The following ABLIM1 variants were observed in gnomAD, a reference collection of about 807,000 sequenced individuals.
ABLIM1 encodes actin-binding LIM protein 1.
A neutral mutation model predicts 107.0 loss-of-function variants in ABLIM1; 40 were observed. The ratio of observed to expected loss-of-function variants is 0.37; its 90% CI spans 0.29 to 0.49. ABLIM1 has a LOEUF of 0.49. Ranked by LOEUF, ABLIM1 falls within the 20% of genes least tolerant of loss-of-function variation. The pLI is 0.97. For missense variants in ABLIM1, 857 were observed against 1,008.5 expected (o/e 0.85, Z 2.04); for synonymous variants, 357 against 357.3 (o/e 1.00, Z 0.01).
chr10:114,684,458 G>C, exon 1 of ABLIM1: 1 of 1,537,124 alleles, frequency 6.5e-7, no homozygotes, highest in African/African-American at 1.4e-5. Context: ...CTCCTCCCAG[G>C]AGTCTGTGGG....
chr10:114,439,959 A>T lies in ABLIM1; in HGVS notation c.2067+123T>A, dbSNP rs545256785. 278 of 1,514,734 alleles carry T rather than the reference A, an allele frequency of 1.8e-4. No homozygotes were observed. The African/African-American group carries it at 3.5e-3, about 19-fold the overall frequency. 93.8% of individuals were successfully genotyped at this position (1,514,734 alleles called of 1,614,324 possible). ...TCTTCACGGCTATAGAGTAATGACT[A>T]GAGAGATCAACCACAACAAGCATCT... is the stretch of plus-strand genomic sequence containing the variant. On this transcript the variant is annotated intron_variant, in intron 20 of 22. Transcript: ENST00000533213.
intron 12 of ABLIM1, among the ~76,000 whole-genome samples, chr10:114,457,097 C>T (rs905940704): frequency 3.3e-5 from 5 of 152,056 alleles, no homozygotes; most frequent in African/African-American, 4.8e-5. Context: ...ATATCACAAC[C>T]GCTCATCGGG....
intron 1 of ABLIM1, among the ~76,000 whole-genome samples, chr10:114,644,306 A>AAAAAAATATATAT (rs1408072252): frequency 1.1e-4 from 6 of 52,248 alleles, no homozygotes; most frequent in South Asian, 9.7e-4. Flanking sequence ...AAAAAAAAAA[A>AAAAAAATATATAT]ATATATATAT....
At chr10:114,676,594 G>A (rs1045920571) in intron 1 of ABLIM1, among the ~76,000 whole-genome samples, 5 of 152,064 alleles carry the variant, frequency 3.3e-5, no homozygotes, top group South Asian at 2.1e-4. Context: ...CAAGAAACTC[G>A]GGGGATTTCA....
chr10:114,568,201 A>G (rs1185255684), intron 4 of ABLIM1, among the ~76,000 whole-genome samples: 1 of 149,848 alleles, frequency 6.7e-6, no homozygotes, highest in East Asian at 1.9e-4. Flanking sequence ...CGTCTCAAAA[A>G]AAAAAAAAAA....
At position 114,588,649 on chromosome 10, in the gene ABLIM1, C is replaced by A. The variant is rs190828301; in HGVS notation, c.380-13050G>T. Among the ~76,000 whole-genome samples, 443 of 151,874 alleles carry A rather than the reference C, an allele frequency of 2.9e-3. 1 individual carries two copies. Among genetic ancestry groups the A allele is most frequent in the African/African-American group, 0.01 (420 of 41,404 alleles). ...AGCTGGGACTACAGGCAGGAACCAC[C>A]ATGCCTGGCTAATTTTTTTGTATTT... On this transcript the variant is annotated intron_variant, in intron 2 of 22. Coordinates refer to ENST00000533213, the MANE Select transcript of ABLIM1 (RefSeq NM_002313.7).
intron 1 of ABLIM1, among the ~76,000 whole-genome samples, chr10:114,679,496 G>A (rs1173735405): frequency 1.3e-5 from 2 of 151,954 alleles, no homozygotes; most frequent in Non-Finnish European, 2.9e-5. Flanking sequence ...TTAGCCGGGC[G>A]TGGTGGCGTG....
At chr10:114,682,649 C>T (rs2080795174) in intron 1 of ABLIM1, among the ~76,000 whole-genome samples, 1 of 152,098 alleles carries the variant, frequency 6.6e-6, no homozygotes, top group South Asian at 2.1e-4. Flanking sequence ...AGCTTCAAGT[C>T]AACTGCTGAG....
At chr10:114,616,169 T>C (rs766032592) in intron 1 of ABLIM1, among the ~76,000 whole-genome samples, 4 of 151,850 alleles carry the variant, frequency 2.6e-5, no homozygotes, top group East Asian at 1.9e-4. Flanking sequence ...CCTGTCTCTA[T>C]AAGAAAAAAA....
chr10:114,642,769 A>G (rs934423457), intron 1 of ABLIM1, among the ~76,000 whole-genome samples: 3 of 152,208 alleles, frequency 2.0e-5, no homozygotes, highest in African/African-American at 4.8e-5. Flanking sequence ...ACTCCAAAAG[A>G]TATCATTCTC....
intron 3 of ABLIM1, among the ~76,000 whole-genome samples, chr10:114,574,533 G>A (rs1400712567): frequency 1.3e-5 from 2 of 151,838 alleles, no homozygotes; most frequent in Non-Finnish European, 2.9e-5. Flanking sequence ...TCCGCCTCCC[G>A]GGTTCAAGCC....
At chr10:114,472,878 A>T (rs2066860834) in intron 10 of ABLIM1, 99 bp downstream of exon 10, 1 of 1,268,694 alleles carries the variant, frequency 7.9e-7, no homozygotes, top group African/African-American at 1.5e-5. Flanking sequence ...CAGACAAAAG[A>T]CCACCTGATT....
At position 114,583,768 on chromosome 10, in the gene ABLIM1, C is replaced by T. The variant is rs981926614; in HGVS notation, c.380-8169G>A. ...ATAAGGAAAATGTGGTACATATACACGGTGAATACTATGCAGCCATAAAAG... is the reference window on the plus strand; with the variant it reads ...ATAAGGAAAATGTGGTACATATACATGGTGAATACTATGCAGCCATAAAAG... On this transcript the variant is annotated intron_variant, in intron 2 of 22. Coordinates refer to ENST00000533213, the MANE Select transcript of ABLIM1 (RefSeq NM_002313.7). Among the ~76,000 whole-genome samples the T allele has an allele frequency of 2.6e-5, 4 of 151,868 alleles. No individual in the cohort carries two copies. The East Asian group carries it at 5.8e-4, about 22-fold the overall frequency.
intron 1 of ABLIM1, among the ~76,000 whole-genome samples, chr10:114,618,068 T>C (rs2077240717): frequency 6.6e-6 from 1 of 152,254 alleles, no homozygotes; most frequent in Non-Finnish European, 1.5e-5. Flanking sequence ...TTTGGTGTTT[T>C]TTCTTAACAC....
intron 2 of ABLIM1, among the ~76,000 whole-genome samples, chr10:114,579,957 T>C (rs2073149044): frequency 6.6e-6 from 1 of 152,176 alleles, no homozygotes; most frequent in Non-Finnish European, 1.5e-5. Context: ...ATAAGGATTA[T>C]TTCATTATCC....
At chr10:114,657,823 C>T (rs1165719249) in intron 1 of ABLIM1, 134 bp downstream of exon 1, 6 of 760,374 alleles carry the variant, frequency 7.9e-6, no homozygotes, top group Middle Eastern at 5.2e-4. Flanking sequence ...CCCACCCTCA[C>T]CCCCATTAAT....
chr10:114,461,254 A>G (rs991009190), intron 12 of ABLIM1, among the ~76,000 whole-genome samples: 2 of 151,530 alleles, frequency 1.3e-5, no homozygotes, highest in African/African-American at 4.9e-5. Context: ...TTTGGTAGAG[A>G]TGGGGTTTCG....
chr10:114,795,371 C>T, the ABLIM1 span, among the ~76,000 whole-genome samples: 1 of 152,192 alleles, frequency 6.6e-6, no homozygotes, highest in Non-Finnish European at 1.5e-5. Context: ...ACCAGGTCCA[C>T]TATGCCATCC....
the ABLIM1 span, chr10:114,779,987 AT>A: frequency 6.6e-6 from 1 of 151,754 alleles, no homozygotes; most frequent in Non-Finnish European, 1.5e-5. Context: ...CATCATTCAC[AT>A]ATTAAAAGGG....
Sources: gnomAD v4.1 joint callset for allele counts (sites outside exome capture counted in the v4.1 genomes callset) on GRCh38, gnomAD v4.1.1 for gene constraint, MANE v1.5 for transcripts, NCBI Gene and HGNC (gene_info 2026-07-23, HGNC 2026-07-21) for gene names.